Variants in RIMS2 observed in about 807,000 individuals in gnomAD.
The protein encoded by RIMS2 is regulating synaptic membrane exocytosis protein 2.
RIMS2 carries 59 observed loss-of-function variants against 174.4 expected under a neutral mutation model. That is an observed-to-expected ratio of 0.34 (90% CI 0.27 to 0.42). The LOEUF is 0.42. Ranked by LOEUF, RIMS2 falls within the 10% of genes least tolerant of loss-of-function variation. The pLI, the probability that RIMS2 is intolerant of heterozygous loss-of-function variation, is 1.00. For synonymous variants in RIMS2, 606 were observed against 572.5 expected, an observed-to-expected ratio of 1.06 and a Z score of -0.84; for missense variants, 1,620 against 1,666.3, an observed-to-expected ratio of 0.97 and a Z score of 0.48.
At chr8:103,709,330 C>T (rs934648476) in intron 2 of RIMS2, among the ~76,000 whole-genome samples, 5 of 144,426 alleles carry the variant, frequency 3.5e-5, no homozygotes, top group South Asian at 2.1e-4. Context: ...ACTCTCATTA[C>T]GGTATGTGGG....
At chr8:104,113,650 T>C (rs546995429) in intron 19 of RIMS2, among the ~76,000 whole-genome samples, 4 of 152,038 alleles carry the variant, frequency 2.6e-5, no homozygotes, top group African/African-American at 9.6e-5. Context: ...CCACTGACTA[T>C]ATATATAAAG....
Position 103,606,084 on chromosome 8 carries a change from T to C in RIMS2, c.177-91002T>C, listed in dbSNP as rs2095062399. On this transcript the variant is annotated intron_variant, in intron 1 of 23. Coordinates refer to ENST00000504942, the Ensembl canonical transcript of RIMS2. Reference sequence around the variant, plus strand: ...CTCTTGCTTTTCTAGTTCTTTTACTTGTGATGTTAGGGTGTCAATTTTGGA... The same window carrying C: ...CTCTTGCTTTTCTAGTTCTTTTACTCGTGATGTTAGGGTGTCAATTTTGGA... Among the ~76,000 whole-genome samples the C allele has an allele frequency of 7.4e-5, 11 of 147,652 alleles. 1 individual carries two copies. Among genetic ancestry groups the C allele is most frequent in the Middle Eastern group, 3.4e-3 (1 of 290 alleles).
At chr8:104,246,621 A>C (rs1422695305) in intron 20 of RIMS2, among the ~76,000 whole-genome samples, 1 of 152,224 alleles carries the variant, frequency 6.6e-6, no homozygotes, top group South Asian at 2.1e-4. Context: ...CAAGGAAGAG[A>C]GATGATCAAG....
chr8:103,621,775 C>A (rs1197551950), intron 1 of RIMS2, among the ~76,000 whole-genome samples: 1 of 152,186 alleles, frequency 6.6e-6, no homozygotes, highest in Non-Finnish European at 1.5e-5. Flanking sequence ...TCACAAACAT[C>A]AGAAGGAATG....
intron 3 of RIMS2, among the ~76,000 whole-genome samples, chr8:103,792,934 T>C (rs903661923): frequency 8.5e-5 from 13 of 152,144 alleles, no homozygotes; most frequent in African/African-American, 3.1e-4. Context: ...ATTGAGGCAA[T>C]AATTAATAGC....
At chr8:104,112,866 T>A (rs536557138) in intron 19 of RIMS2, among the ~76,000 whole-genome samples, 108 of 152,232 alleles carry the variant, frequency 7.1e-4, no homozygotes, top group African/African-American at 2.6e-3. Context: ...AAACTGCAGT[T>A]TTTCATTAAA....
intron 19 of RIMS2, among the ~76,000 whole-genome samples, chr8:104,238,239 T>G (rs1900521): frequency 0.34 from 51,255 of 151,336 alleles, 9,003 homozygotes; most frequent in African/African-American, 0.44. Context: ...ATAAGTGGGA[T>G]TTGAACAATG....
chr8:103,591,836 C>G (rs185084566), intron 1 of RIMS2, among the ~76,000 whole-genome samples: 1 of 151,036 alleles, frequency 6.6e-6, no homozygotes, highest in Non-Finnish European at 1.5e-5. Flanking sequence ...ATGTTTAAAC[C>G]TCTTACCTTT....
intron 1 of RIMS2, among the ~76,000 whole-genome samples, chr8:103,575,391 G>A (rs2093140630): frequency 6.6e-6 from 1 of 151,934 alleles, no homozygotes; most frequent in Non-Finnish European, 1.5e-5. Flanking sequence ...TACCAAAGCT[G>A]AACATATGAT....
chr8:103,885,258 C>G lies in RIMS2; in HGVS notation c.699-40C>G, dbSNP rs377220871. 2.0e-4 allele frequency: 297 copies of G among 1,510,012 alleles called. No homozygotes were observed. In the African/African-American group the frequency reaches 3.7e-3, roughly 19 times the overall value. The allele number at this position is 1,510,012 out of a possible 1,614,324, so 93.5% of individuals were successfully genotyped here. ...ATCAATGAAATGTAAAATTGATAAA[C>G]TTTTGCTCTTCTCATTGTTCTTTTC... On this transcript the variant is annotated intron_variant, in intron 3 of 23. Coordinates refer to ENST00000504942, the Ensembl canonical transcript of RIMS2.
rs975221731 is a variant in RIMS2 at position 104,169,898 on chromosome 8, T to A, written c.3335-75018T>A. On this transcript the variant is annotated intron_variant, in intron 19 of 23. Transcript: ENST00000504942. ...TTATCATTAATTTCAAGGAATTTTT[T>A]AATTTCCATCTTAATTGTTAACCCA... Among the ~76,000 whole-genome samples, 8 of 152,092 alleles carry A rather than the reference T, an allele frequency of 5.3e-5. No homozygotes were observed. In the South Asian group the frequency reaches 6.2e-4, roughly 12 times the overall value.
At chr8:104,084,234 A>G (rs890770906) in intron 19 of RIMS2, among the ~76,000 whole-genome samples, 2 of 151,932 alleles carry the variant, frequency 1.3e-5, no homozygotes, top group African/African-American at 4.8e-5. Context: ...TGACGTCAGG[A>G]GTTGAAGACC....
intron 3 of RIMS2, among the ~76,000 whole-genome samples, chr8:103,808,250 T>C: frequency 6.6e-6 from 1 of 152,152 alleles, no homozygotes; most frequent in East Asian, 1.9e-4. Flanking sequence ...TCTTCCGGGC[T>C]ACCACACTCT....
At chr8:104,024,354 T>C (rs1565903144) in intron 19 of RIMS2, among the ~76,000 whole-genome samples, 1 of 152,180 alleles carries the variant, frequency 6.6e-6, no homozygotes, top group Non-Finnish European at 1.5e-5. Context: ...AAATCTTTTG[T>C]TAAAACTATT....
chr8:103,564,096 C>T (rs2092013680), intron 1 of RIMS2, among the ~76,000 whole-genome samples: 1 of 152,192 alleles, frequency 6.6e-6, no homozygotes, highest in Non-Finnish European at 1.5e-5. Context: ...GTGTCTAAGT[C>T]TGTTGCATAC....
Position 103,895,845 on chromosome 8 carries a change from C to A in RIMS2, c.1624+9622C>A, listed in dbSNP as rs2099274582. ...ATTTGTCTCCCTGTGGTATGTGTCC[C>A]TCTGAAGTCTCTACTCTTTGGGTCA... On this transcript the variant is annotated intron_variant, in intron 4 of 23. Coordinates refer to ENST00000504942, the Ensembl canonical transcript of RIMS2. Among the ~76,000 whole-genome samples, 3 of 151,364 alleles carry A rather than the reference C, an allele frequency of 2.0e-5. 1 individual carries two copies. The highest frequency in any genetic ancestry group is 7.3e-5 in the African/African-American group (3 of 40,864).
At chr8:103,792,637 GTTTTTTTTTTT>G (rs57893772) in intron 3 of RIMS2, among the ~76,000 whole-genome samples, 50 of 137,498 alleles carry the variant, frequency 3.6e-4, no homozygotes, top group Non-Finnish European at 5.9e-4. Context: ...CCAGGAGCTG[GTTTTTTTTTTT>G]TTTTTTTAAA....
At chr8:103,767,581 G>A (rs1280701846) in intron 3 of RIMS2, among the ~76,000 whole-genome samples, 4 of 152,156 alleles carry the variant, frequency 2.6e-5, no homozygotes, top group Admixed American at 6.5e-5. Flanking sequence ...ACATTTCTGT[G>A]TTGAATAAGT....
chr8:103,641,285 T>G (rs552468808), intron 1 of RIMS2, among the ~76,000 whole-genome samples: 2 of 152,292 alleles, frequency 1.3e-5, no homozygotes, highest in African/African-American at 4.8e-5. Flanking sequence ...GAGGTGTATG[T>G]AATGATTTAA....
Sources: allele counts gnomAD v4.1 joint callset (sites outside exome capture counted in the v4.1 genomes callset), GRCh38; gene constraint gnomAD v4.1.1; transcripts MANE v1.5; gene names NCBI Gene and HGNC (gene_info 2026-07-23, HGNC 2026-07-21).